The following GATAD2A variants were observed in gnomAD, a reference collection of about 807,000 sequenced individuals.
The protein encoded by GATAD2A is GATA zinc finger domain containing 2A, also known as transcriptional repressor p66-alpha.
Under a neutral mutation model 68.5 loss-of-function variants are expected in GATAD2A, and 12 were observed. The ratio of observed to expected loss-of-function variants is 0.18; its 90% CI spans 0.11 to 0.28. The LOEUF (loss-of-function observed/expected upper bound fraction) is 0.28, where lower values mean the gene tolerates loss of function less well. GATAD2A is among the 10% of genes least tolerant of loss of function. The pLI, the probability that GATAD2A is intolerant of heterozygous loss-of-function variation, is 1.00. For missense variants in GATAD2A, 755 were observed against 868.5 expected (o/e 0.87, Z 1.64); for synonymous variants, 410 against 375.3 (o/e 1.09, Z -1.07).
intron 1 of GATAD2A, among the ~76,000 whole-genome samples, chr19:19,423,411 A>G (rs984141466): frequency 5.3e-5 from 8 of 152,254 alleles, no homozygotes; most frequent in African/African-American, 1.9e-4. Context: ...CAGTCATCAC[A>G]TGATTTTTGT....
chr19:19,476,205 T>C (rs1324049073), intron 2 of GATAD2A, among the ~76,000 whole-genome samples: 7 of 152,244 alleles, frequency 4.6e-5, no homozygotes, highest in Non-Finnish European at 8.8e-5. Flanking sequence ...ATCGAGGTAA[T>C]CACCAGTAAA....
chr19:19,456,396 AG>A (rs1425901353), intron 1 of GATAD2A, among the ~76,000 whole-genome samples: 1 of 152,132 alleles, frequency 6.6e-6, no homozygotes, highest in Admixed American at 6.6e-5. Flanking sequence ...CACGGCAAGC[AG>A]TAAGTTTTCC....
chr19:19,428,827 C>T (rs1017813339), intron 1 of GATAD2A, among the ~76,000 whole-genome samples: 2 of 152,150 alleles, frequency 1.3e-5, no homozygotes, highest in Non-Finnish European at 2.9e-5. Context: ...GGAAGCCCTT[C>T]AGACACAGGG....
intron 7 of GATAD2A, among the ~76,000 whole-genome samples, chr19:19,497,382 C>CACCA (rs1266494268): frequency 1.3e-5 from 2 of 152,264 alleles, no homozygotes; most frequent in Non-Finnish European, 2.9e-5. Flanking sequence ...AGGCGTGAGC[C>CACCA]ACCACATCCT....
intron 1 of GATAD2A, among the ~76,000 whole-genome samples, chr19:19,454,883 G>A (rs561669688): frequency 7.9e-5 from 12 of 152,314 alleles, no homozygotes; most frequent in South Asian, 6.2e-4. Flanking sequence ...CGATGGTTGC[G>A]TGTGGTTTTG....
In GATAD2A at chr19:19,505,842, A is replaced by G. The variant is rs12610417; in HGVS notation, c.*368A>G. 8.0e-5 allele frequency: 33 copies of G among 413,510 alleles called. No homozygotes were observed. The Admixed American group carries it at 8.8e-4, about 11-fold the overall frequency. 25.6% of individuals were successfully genotyped at this position (413,510 alleles called of 1,614,324 possible). On this transcript the variant is annotated 3_prime_UTR_variant, in exon 12 of 12. Transcript: ENST00000683918. ...GGCACACGGGCGGCTCACCCTGGAC[A>G]CTGTGATGCGCATGGGCAAGGCCAG... is the stretch of plus-strand genomic sequence containing the variant.
intron 2 of GATAD2A, among the ~76,000 whole-genome samples, chr19:19,478,823 AC>A (rs1183708170): frequency 2.0e-5 from 3 of 151,616 alleles, no homozygotes; most frequent in East Asian, 3.9e-4. Context: ...AAAAAAAAAA[AC>A]AAAAAAAAAC....
At chr19:19,481,765 T>C (rs749618992) in intron 2 of GATAD2A, among the ~76,000 whole-genome samples, 1 of 152,260 alleles carries the variant, frequency 6.6e-6, no homozygotes, top group East Asian at 1.9e-4. Context: ...TGGATGCTAC[T>C]GGCTGTCCAG....
intron 11 of GATAD2A, among the ~76,000 whole-genome samples, chr19:19,505,130 A>T (rs558656287): frequency 1.6e-4 from 24 of 152,262 alleles, no homozygotes; most frequent in Admixed American, 1.4e-3. Context: ...GAGCCTGGCA[A>T]TGTCAAGGCC....
At chr19:19,436,730 G>A (rs2054398994) in intron 1 of GATAD2A, among the ~76,000 whole-genome samples, 1 of 152,208 alleles carries the variant, frequency 6.6e-6, no homozygotes, top group Non-Finnish European at 1.5e-5. Flanking sequence ...GGCATTGCTG[G>A]GTACCTTGGA....
chr19:19,441,334 CA>C (rs1349682544), intron 1 of GATAD2A, among the ~76,000 whole-genome samples: 7 of 152,136 alleles, frequency 4.6e-5, no homozygotes, highest in African/African-American at 1.7e-4. Context: ...CATTAAGAAC[CA>C]AAATTTTCCA....
chr19:19,463,234 A>T (rs1476849196), intron 1 of GATAD2A, among the ~76,000 whole-genome samples: 1 of 152,050 alleles, frequency 6.6e-6, no homozygotes. Context: ...TCCCACAGTG[A>T]GGGAAATGAG....
At chr19:19,417,142 A>T (rs2051747872) in intron 1 of GATAD2A, among the ~76,000 whole-genome samples, 1 of 152,254 alleles carries the variant, frequency 6.6e-6, no homozygotes, top group South Asian at 2.1e-4. Context: ...AATGAAATGC[A>T]GCTGGGCTTT....
intron 1 of GATAD2A, among the ~76,000 whole-genome samples, chr19:19,425,998 G>C (rs2053043250): frequency 6.6e-6 from 1 of 152,118 alleles, no homozygotes; most frequent in Admixed American, 6.6e-5. Flanking sequence ...ATGTTGTCCA[G>C]GCTGGTCTCG....
At chr19:19,441,731 A>ATT in intron 1 of GATAD2A, 1 of 169,328 alleles carries the variant, frequency 5.9e-6, no homozygotes, top group Non-Finnish European at 1.3e-5. Context: ...CGCCCGGCTA[A>ATT]TTTTTTGTAT....
intron 1 of GATAD2A, among the ~76,000 whole-genome samples, chr19:19,423,779 G>A (rs1284222743): frequency 6.6e-6 from 1 of 152,184 alleles, no homozygotes; most frequent in African/African-American, 2.4e-5. Context: ...GGTCTGCCAG[G>A]CCCTCCCACT....
intron 1 of GATAD2A, chr19:19,457,280 T>TC: frequency 1.0e-6 from 1 of 975,524 alleles, no homozygotes; most frequent in South Asian, 4.7e-5. Flanking sequence ...TGCAGGTTCT[T>TC]CCCAGGGGCC....
chr19:19,498,873 ACTGTGG>A, intron 8 of GATAD2A, 151 bp downstream of exon 8: 1 of 652,064 alleles, frequency 1.5e-6, no homozygotes, highest in Non-Finnish European at 2.6e-6. Context: ...CGTCAGTGCC[ACTGTGG>A]AGTCTGGACA....
chr19:19,422,836 C>T (rs1047685102), intron 1 of GATAD2A, among the ~76,000 whole-genome samples: 1 of 151,976 alleles, frequency 6.6e-6, no homozygotes, highest in African/African-American at 2.4e-5. Context: ...CTCAGCCTCC[C>T]AAGTAGCTGG....
Sources: allele counts gnomAD v4.1 joint callset (sites outside exome capture counted in the v4.1 genomes callset), GRCh38; gene constraint gnomAD v4.1.1; transcripts MANE v1.5; gene names NCBI Gene and HGNC (gene_info 2026-07-23, HGNC 2026-07-21).